SYTL3: variants seen among roughly 807,000 people sequenced by gnomAD.
SYTL3 encodes synaptotagmin-like protein 3.
In SYTL3, 88 loss-of-function variants were observed where a neutral mutation model predicts 82.1. The observed-to-expected ratio is 1.07, with a 90% confidence interval of 0.90 to 1.28. The LOEUF is 1.28. SYTL3 is among the 50% of genes most tolerant of loss of function. The probability of loss-of-function intolerance (pLI) is 0.00; values close to 1 mark genes in which losing one functional copy is unlikely to be tolerated. For missense variants in SYTL3, 831 were observed against 757.6 expected, an observed-to-expected ratio of 1.10 and a Z score of -1.14; for synonymous variants, 311 against 289.4, an observed-to-expected ratio of 1.07 and a Z score of -0.76.
At chr6:158,714,606 T>C (rs1783146009) in intron 9 of SYTL3, among the ~76,000 whole-genome samples, 1 of 152,176 alleles carries the variant, frequency 6.6e-6, no homozygotes. Flanking sequence ...TTTTTCTCTG[T>C]TTATCTTAAA....
At chr6:158,728,412 A>T (rs1193208369) in intron 11 of SYTL3, among the ~76,000 whole-genome samples, 3 of 152,106 alleles carry the variant, frequency 2.0e-5, no homozygotes, top group African/African-American at 7.2e-5. Flanking sequence ...TCAAATGTCC[A>T]CATAAGTGTG....
intron 11 of SYTL3, among the ~76,000 whole-genome samples, chr6:158,741,988 CA>C (rs1283317385): frequency 1.6e-4 from 25 of 152,238 alleles, no homozygotes. Flanking sequence ...ATTGCCTTTG[CA>C]AAATTTCTTG....
chr6:158,731,861 G>A (rs926593027), intron 11 of SYTL3, among the ~76,000 whole-genome samples: 3 of 152,102 alleles, frequency 2.0e-5, no homozygotes, highest in African/African-American at 7.2e-5. Context: ...CCAAAGTGCT[G>A]GGATTACAGG....
rs377021960 is a variant in SYTL3 at position 158,757,168 on chromosome 6, G to C, written c.1138-43G>C. The C allele has an allele frequency of 8.9e-6, 14 of 1,580,116 alleles. No homozygotes were observed. The African/African-American group carries it at 1.9e-4, about 21-fold the overall frequency. On this transcript the variant is annotated intron_variant, in intron 13 of 17. Coordinates refer to ENST00000611299, the MANE Select transcript of SYTL3 (RefSeq NM_001242394.2). ...CAGAGATGGGGATCCTAGGAGTGCG[G>C]GCCCCGGGAGCCCAGCTGACCATCT...
chr6:158,727,578 A>G (rs747834523), intron 11 of SYTL3, among the ~76,000 whole-genome samples: 1 of 152,062 alleles, frequency 6.6e-6, no homozygotes, highest in Non-Finnish European at 1.5e-5. Context: ...GGATGGACAT[A>G]GCTGGGCCTG....
Position 158,725,600 on chromosome 6 carries a change from C to T in SYTL3, c.818C>T (p.Pro273Leu), listed in dbSNP as rs764714957. The T allele has an allele frequency of 1.4e-5, 23 of 1,614,066 alleles. No individual in the cohort carries two copies. The highest frequency in any genetic ancestry group is 2.7e-5 in the African/African-American group (2 of 74,926). The change falls in exon 11 of 18, where the codon CCG (proline) becomes CTG (leucine). Residue 273 changes from proline (P) to leucine (L), a missense_variant. Physicochemically the swap from Pro to Leu is moderately conservative, Grantham distance 98. Coordinates refer to ENST00000611299, the MANE Select transcript of SYTL3 (RefSeq NM_001242394.2). ...AAGCAACAGAATCTCCCATCCAGTC[C>T]GGCACCCAGTACCATATTCTCTGGA... ...ILKQQNLPSS[P>L]APSTIFSGGF...
chr6:158,738,468 A>G (rs1209673253), intron 11 of SYTL3, among the ~76,000 whole-genome samples: 1 of 152,062 alleles, frequency 6.6e-6, no homozygotes, highest in Non-Finnish European at 1.5e-5. Context: ...CTGCAGCAAT[A>G]CTTGGGATCC....
At chr6:158,671,152 G>A (rs1302225387) in intron 5 of SYTL3, among the ~76,000 whole-genome samples, 1 of 152,086 alleles carries the variant, frequency 6.6e-6, no homozygotes, top group Admixed American at 6.6e-5. Flanking sequence ...TTTACTAAAG[G>A]GAATGTTTTG....
chr6:158,683,492 T>A (rs1778964678), intron 6 of SYTL3, among the ~76,000 whole-genome samples: 1 of 152,206 alleles, frequency 6.6e-6, no homozygotes, highest in African/African-American at 2.4e-5. Flanking sequence ...GTGCTGGGAT[T>A]ACAGGCGTGA....
intron 5 of SYTL3, among the ~76,000 whole-genome samples, chr6:158,668,203 C>T (rs1476632512): frequency 6.7e-6 from 1 of 148,966 alleles, no homozygotes; most frequent in African/African-American, 2.5e-5. Flanking sequence ...CTGCTAGGAG[C>T]CTTGTCCTGG....
At chr6:158,692,672 T>G (rs1031633839) in intron 6 of SYTL3, among the ~76,000 whole-genome samples, 4 of 150,870 alleles carry the variant, frequency 2.7e-5, no homozygotes, top group Non-Finnish European at 4.4e-5. Context: ...GCGCGGTGGC[T>G]CACGCCTGTA....
In SYTL3 at chr6:158,725,398, A is replaced by T. The variant is rs537614218; in HGVS notation, c.721-105A>T. 9.2e-6 allele frequency: 12 copies of T among 1,303,430 alleles called. 1 individual carries two copies. Among genetic ancestry groups the T allele is most frequent in the Admixed American group, 8.2e-5 (4 of 48,552 alleles). 80.7% of individuals were successfully genotyped at this position (1,303,430 alleles called of 1,614,324 possible). On this transcript the variant is annotated intron_variant, in intron 10 of 17. Coordinates refer to ENST00000611299, the MANE Select transcript of SYTL3 (RefSeq NM_001242394.2). The stretch of plus-strand genomic sequence containing the variant: ...TGTGTCCTCCTACTCAGAAGTTTGC[A>T]TGTTAGTAACATCAAGTCATAGATG...
At chr6:158,718,305 T>C in intron 10 of SYTL3, 94 bp downstream of exon 10, 1 of 1,277,924 alleles carries the variant, frequency 7.8e-7, no homozygotes, top group East Asian at 3.0e-5. Flanking sequence ...TATGTTTTCT[T>C]TGGTTTTATA....
In SYTL3 at chr6:158,718,224, C is replaced by T. The variant is rs898704480; in HGVS notation, c.720+13C>T. On this transcript the variant is annotated intron_variant, in intron 10 of 17. Coordinates refer to ENST00000611299, the MANE Select transcript of SYTL3 (RefSeq NM_001242394.2). ...CGTCACCACCAGGGTACCCTGAGCC[C>T]CACAAGGCCTCCACGCTGATCACCT... 2.0e-6 allele frequency: 3 copies of T among 1,515,538 alleles called. No individual in the cohort carries two copies. The highest frequency in any genetic ancestry group is 2.7e-6 in the Non-Finnish European group (3 of 1,129,282). 93.9% of individuals were successfully genotyped at this position (1,515,538 alleles called of 1,614,324 possible). A position where few individuals can be genotyped will look rare whatever the true frequency, so the allele number is the denominator to read the frequency against.
chr6:158,739,480 C>A (rs570957390), intron 11 of SYTL3, among the ~76,000 whole-genome samples: 1 of 152,244 alleles, frequency 6.6e-6, no homozygotes, highest in African/African-American at 2.4e-5. Flanking sequence ...TAACCATTAT[C>A]TCTTCAAATA....
At chr6:158,697,832 G>T (rs1434573581) in intron 6 of SYTL3, among the ~76,000 whole-genome samples, 1 of 152,202 alleles carries the variant, frequency 6.6e-6, no homozygotes, top group Admixed American at 6.5e-5. Context: ...CAGAGTGTCT[G>T]CCTGATAGGA....
chr6:158,758,261 A>G (rs544530917), intron 14 of SYTL3, among the ~76,000 whole-genome samples: 1 of 152,276 alleles, frequency 6.6e-6, no homozygotes, highest in East Asian at 1.9e-4. Flanking sequence ...TAACACAGTG[A>G]AACCCCGTCT....
chr6:158,733,836 G>A (rs759276184), intron 11 of SYTL3, among the ~76,000 whole-genome samples: 14 of 150,712 alleles, frequency 9.3e-5, no homozygotes, highest in South Asian at 2.1e-4. Context: ...GGTGGCTCAC[G>A]CCTGTAATCC....
At chr6:158,711,224 T>C (rs1399438347) in intron 8 of SYTL3, among the ~76,000 whole-genome samples, 2 of 152,238 alleles carry the variant, frequency 1.3e-5, no homozygotes, top group Non-Finnish European at 1.5e-5. Flanking sequence ...AATAACCTTA[T>C]ACTCATATCA....
Sources: allele counts gnomAD v4.1 joint callset (sites outside exome capture counted in the v4.1 genomes callset), GRCh38; gene constraint gnomAD v4.1.1; transcripts MANE v1.5; gene names NCBI Gene and HGNC (gene_info 2026-07-23, HGNC 2026-07-21).